Variants in TMEM255B observed in about 807,000 individuals in gnomAD.
The protein encoded by TMEM255B is family with sequence similarity 70, member B.
A neutral mutation model predicts 34.5 loss-of-function variants in TMEM255B; 35 were observed. The ratio of observed to expected loss-of-function variants is 1.01; its 90% CI spans 0.77 to 1.34. TMEM255B has a LOEUF of 1.34. Ranked by LOEUF, TMEM255B falls within the 40% of genes most tolerant of loss-of-function variation. TMEM255B has a pLI of 0.00. For synonymous variants in TMEM255B, 206 were observed against 201.2 expected (o/e 1.02, Z -0.20); for missense variants, 432 against 433.2 (o/e 1.00, Z 0.02).
intron 3 of TMEM255B, among the ~76,000 whole-genome samples, chr13:113,789,432 G>A (rs1177473367): frequency 6.6e-6 from 1 of 152,144 alleles, no homozygotes; most frequent in Admixed American, 6.5e-5. Context: ...GCACGTTCTA[G>A]GTCACAAAAA....
At chr13:113,811,654 C>T (rs1002437527) in intron 8 of TMEM255B, 82 bp from the exon 9 acceptor site, 48 of 1,535,638 alleles carry the variant, frequency 3.1e-5, no homozygotes, top group Non-Finnish European at 4.2e-5. Flanking sequence ...GTGTGAGTGG[C>T]CCTGGTATAT....
At chr13:113,796,856 A>G (rs2138567493) in intron 4 of TMEM255B, among the ~76,000 whole-genome samples, 1 of 152,346 alleles carries the variant, frequency 6.6e-6, no homozygotes, top group South Asian at 2.1e-4. Flanking sequence ...TGTCTGCCCC[A>G]ACGGTTTCAT....
intron 5 of TMEM255B, 135 bp from the exon 6 acceptor site, chr13:113,800,692 G>A (rs2051037928): frequency 1.3e-6 from 1 of 774,802 alleles, no homozygotes; most frequent in Non-Finnish European, 2.1e-6. Flanking sequence ...TGGAGTCGGG[G>A]GAAAGTCGGG....
intron 2 of TMEM255B, chr13:113,766,511 C>T (rs1490307209): frequency 6.8e-6 from 4 of 588,142 alleles, no homozygotes; most frequent in Non-Finnish European, 3.1e-6. Context: ...GCCAGGTGCC[C>T]TCCATTGTCT....
At chr13:113,800,301 CTG>C (rs1220505809) in intron 5 of TMEM255B, among the ~76,000 whole-genome samples, 5,362 of 96,956 alleles carry the variant, frequency 0.055, 153 homozygotes, top group South Asian at 0.11. Context: ...GAGGCGTCCT[CTG>C]TGTGTGTGTG....
intron 3 of TMEM255B, among the ~76,000 whole-genome samples, chr13:113,778,070 G>C (rs1044232969): frequency 6.6e-5 from 10 of 152,234 alleles, no homozygotes; most frequent in African/African-American, 2.2e-4. Context: ...TCCTGAGCTT[G>C]TCAGGAGACG....
At chr13:113,761,198 T>G (rs995900766) in intron 1 of TMEM255B, 188 of 985,242 alleles carry the variant, frequency 1.9e-4, no homozygotes, top group Non-Finnish European at 2.3e-4. Context: ...GCGTTCCAGG[T>G]CCGGCTGGCA....
At chr13:113,761,153 C>T in intron 1 of TMEM255B, 1 of 984,586 alleles carries the variant, frequency 1.0e-6, no homozygotes, top group Non-Finnish European at 1.2e-6. Context: ...ACTGGTGTCC[C>T]CACATGATTA....
rs1429141061 is a variant in TMEM255B at position 113,799,430 on chromosome 13, G to A, written c.423+11G>A. ...GTCTACCAGACAGAGGTGAGCAGGA[G>A]CACTGAGATTCATGTGGGTTTTGCT... On this transcript the variant is annotated intron_variant, in intron 5 of 8. Transcript: ENST00000375353. 1 of 1,612,638 alleles carries A rather than the reference G, an allele frequency of 6.2e-7. No homozygotes were observed. The highest frequency in any genetic ancestry group is 1.1e-5 in the South Asian group (1 of 91,050).
Position 113,770,658 on chromosome 13 carries a change from C to G in TMEM255B, c.252+1498C>G, listed in dbSNP as rs1272794610. Among the ~76,000 whole-genome samples the G allele has an allele frequency of 2.0e-5, 3 of 152,156 alleles. No individual in the cohort carries two copies. The highest frequency in any genetic ancestry group is 4.4e-5 in the Non-Finnish European group (3 of 68,028). ...GAGAGATAGGCCCGGCATTTCCTCT[C>G]CCACCCACCCCCTGTTGTTGGCTCC... On this transcript the variant is annotated intron_variant, in intron 3 of 8. Coordinates refer to ENST00000375353, the MANE Select transcript of TMEM255B (RefSeq NM_182614.4). This position sits in a 1 kb window ranked among gnomAD's most constrained non-coding sequence, Gnocchi z 4.6.
At chr13:113,778,028 A>G (rs1389774560) in intron 3 of TMEM255B, among the ~76,000 whole-genome samples, 2 of 152,152 alleles carry the variant, frequency 1.3e-5, no homozygotes, top group South Asian at 4.1e-4. Context: ...GCCAGGGTGG[A>G]GGGCCTGAGG....
At chr13:113,803,276 G>A (rs2051100588) in intron 7 of TMEM255B, 1 of 148,340 alleles carries the variant, frequency 6.7e-6, no homozygotes, top group Admixed American at 6.7e-5. Context: ...CAAAGCTCAG[G>A]GCTGCAGAGC....
At chr13:113,800,587 C>T (rs1278335107) in intron 5 of TMEM255B, among the ~76,000 whole-genome samples, 1 of 152,148 alleles carries the variant, frequency 6.6e-6, no homozygotes, top group East Asian at 1.9e-4. Context: ...GGCCTCTCCT[C>T]TGAGCCCCGA....
chr13:113,798,195 G>T (rs2050975238), intron 4 of TMEM255B, among the ~76,000 whole-genome samples: 1 of 151,778 alleles, frequency 6.6e-6, no homozygotes, highest in African/African-American at 2.4e-5. Context: ...ATGGATGGAT[G>T]GATGGATGTG....
intron 3 of TMEM255B, among the ~76,000 whole-genome samples, chr13:113,778,497 A>G (rs997663082): frequency 4.7e-5 from 7 of 150,176 alleles, no homozygotes; most frequent in Non-Finnish European, 8.8e-5. Context: ...TGATATGACG[A>G]TGATCACCTG....
At chr13:113,768,683 C>T (rs993419042) in intron 2 of TMEM255B, among the ~76,000 whole-genome samples, 1 of 152,214 alleles carries the variant, frequency 6.6e-6, no homozygotes, top group Non-Finnish European at 1.5e-5. Context: ...GGCAACCCTT[C>T]TTTTGAAACA....
chr13:113,792,364 T>C (rs1372994133), intron 3 of TMEM255B, among the ~76,000 whole-genome samples: 1 of 152,250 alleles, frequency 6.6e-6, no homozygotes, highest in Admixed American at 6.5e-5. Context: ...CTTCTGACCG[T>C]AACATGGTGG....
intron 3 of TMEM255B, among the ~76,000 whole-genome samples, chr13:113,781,559 G>C (rs775580042): frequency 2.6e-5 from 4 of 152,194 alleles, no homozygotes; most frequent in Non-Finnish European, 5.9e-5. Context: ...ACCTTGGTAC[G>C]TTTGGGATTT....
At chr13:113,809,211 T>G (rs1402978121) in intron 8 of TMEM255B, among the ~76,000 whole-genome samples, 3 of 141,582 alleles carry the variant, frequency 2.1e-5, no homozygotes, top group Admixed American at 1.4e-4. Flanking sequence ...GGGGGTTTAC[T>G]CCATGGTTCT....
Sources: gnomAD v4.1 joint callset for allele counts (sites outside exome capture counted in the v4.1 genomes callset) on GRCh38, gnomAD v4.1.1 for gene constraint, Gnocchi (gnomAD v3.1) non-coding constraint, MANE v1.5 for transcripts, NCBI Gene and HGNC (gene_info 2026-07-23, HGNC 2026-07-21) for gene names.